Variants in ZNF626 observed in about 807,000 individuals in gnomAD.
ZNF626 encodes the protein CTC-513N18.7.
A neutral mutation model predicts 11.7 loss-of-function variants in ZNF626; 4 were observed. That is an observed-to-expected ratio of 0.34 (90% CI 0.17 to 0.78). ZNF626 has a LOEUF of 0.78. Ranked by LOEUF, ZNF626 falls within the 30% of genes least tolerant of loss-of-function variation. The pLI is 0.57. For synonymous variants in ZNF626, 179 were observed against 198.6 expected, an observed-to-expected ratio of 0.90 and a Z score of 0.83; for missense variants, 588 against 587.1, an observed-to-expected ratio of 1.00 and a Z score of -0.01.
chr19:20,656,899 A>T (rs1398721156), intron 1 of ZNF626, among the ~76,000 whole-genome samples: 5 of 152,174 alleles, frequency 3.3e-5, no homozygotes, highest in Non-Finnish European at 7.3e-5. Flanking sequence ...TTCCTCACAG[A>T]ACTAAAAACA....
chr19:20,658,104 TA>T (rs1970224772), intron 1 of ZNF626, among the ~76,000 whole-genome samples: 1 of 145,310 alleles, frequency 6.9e-6, no homozygotes, highest in South Asian at 2.2e-4. Context: ...AAATCAAAGC[TA>T]AAAAAAGAAA....
intron 3 of ZNF626, among the ~76,000 whole-genome samples, chr19:20,627,849 T>C (rs538230099): frequency 3.3e-5 from 5 of 152,340 alleles, no homozygotes; most frequent in South Asian, 4.1e-4. Context: ...TACATATGTA[T>C]ACTTGTGCCA....
rs1970019360 is a variant in ZNF626, at chr19:20,641,080, T to C, written c.226+4604A>G. On this transcript the variant is annotated intron_variant, in intron 3 of 3. Coordinates refer to ENST00000601440, the MANE Select transcript of ZNF626 (RefSeq NM_001076675.3). The stretch of plus-strand genomic sequence containing the variant: ...GAACCCAGAAGGCAGAGATTGCAGT[T>C]AGACGAGACCACACCACTGCACTCT... Among the ~76,000 whole-genome samples, 11 of 146,814 alleles carry C rather than the reference T, an allele frequency of 7.5e-5. No individual in the cohort carries two copies. The Admixed American group carries it at 7.7e-4, about 10-fold the overall frequency.
In ZNF626 at chr19:20,624,307, A is replaced by C. The variant is rs1555769151; in HGVS notation, c.1570T>G (p.Leu524Val). 1 of 1,613,960 alleles carries C rather than the reference A, an allele frequency of 6.2e-7. No individual in the cohort carries two copies. The highest frequency in any genetic ancestry group is 8.5e-7 in the Non-Finnish European group (1 of 1,179,996). ...VAKPSSGPHTLLHIR is the reference protein window; with the variant it reads ...VAKPSSGPHTVLHIR The stretch of plus-strand genomic sequence containing the variant: ...AGTATGAATTATCTTATGTGTAGTA[A>C]GGTGTGAGGACCGCTTGAAGGCTTT... Residue 524 changes from leucine to valine, a missense_variant, in exon 4 of 4, where the codon TTA becomes GTA. This residue lies in a region of ZNF626 where 43 missense variants were observed against 38.0 expected (regional missense o/e 1.13). Coordinates refer to ENST00000601440, the MANE Select transcript of ZNF626 (RefSeq NM_001076675.3).
intron 3 of ZNF626, among the ~76,000 whole-genome samples, chr19:20,626,451 G>A (rs1228649878): frequency 6.6e-6 from 1 of 152,148 alleles, no homozygotes; most frequent in East Asian, 1.9e-4. Flanking sequence ...AAGCTTAGTG[G>A]CTCATTCCTG....
chr19:20,646,252 T>C, intron 2 of ZNF626, 27 bp downstream of exon 2: 3 of 1,601,736 alleles, frequency 1.9e-6, no homozygotes, highest in Non-Finnish European at 1.7e-6. Flanking sequence ...ATCTATAGGG[T>C]ATATTATGTA....
chr19:20,659,222 ATT>A (rs1474561578), intron 1 of ZNF626, among the ~76,000 whole-genome samples: 1 of 151,994 alleles, frequency 6.6e-6, no homozygotes, highest in Non-Finnish European at 1.5e-5. Context: ...ATTCAGCTGA[ATT>A]TGTCTTCAGT....
intron 3 of ZNF626, among the ~76,000 whole-genome samples, chr19:20,631,440 T>G (rs1969904324): frequency 6.6e-6 from 1 of 152,176 alleles, no homozygotes; most frequent in African/African-American, 2.4e-5. Flanking sequence ...TGTAGGTCAC[T>G]AAGAACTTGC....
chr19:20,625,951 A>G (rs1182084873), intron 3 of ZNF626, among the ~76,000 whole-genome samples: 1 of 152,220 alleles, frequency 6.6e-6, no homozygotes, highest in Non-Finnish European at 1.5e-5. Context: ...GCTCTCCAGT[A>G]TAACATTGTG....
chr19:20,626,732 AGGC>A (rs1969838436), intron 3 of ZNF626, among the ~76,000 whole-genome samples: 1 of 152,092 alleles, frequency 6.6e-6, no homozygotes, highest in Admixed American at 6.5e-5. Flanking sequence ...AAAATAAAAT[AGGC>A]TGGGCGCAAT....
chr19:20,627,250 A>G (rs990476777), intron 3 of ZNF626, among the ~76,000 whole-genome samples: 1 of 152,142 alleles, frequency 6.6e-6, no homozygotes. Context: ...TGTAACAAAC[A>G]CACATACAAG....
At chr19:20,629,151 T>C (rs1456096086) in intron 3 of ZNF626, among the ~76,000 whole-genome samples, 2 of 152,200 alleles carry the variant, frequency 1.3e-5, no homozygotes, top group Non-Finnish European at 2.9e-5. Context: ...TATCTCTGGT[T>C]TGGTACCAGT....
intron 1 of ZNF626, among the ~76,000 whole-genome samples, chr19:20,660,146 G>T (rs1447662170): frequency 6.7e-6 from 1 of 150,144 alleles, no homozygotes; most frequent in African/African-American, 2.5e-5. Context: ...TGTAATCCCA[G>T]CTACTGGTGG....
Position 20,623,028 on chromosome 19 carries a change from A to G in ZNF626, c.*1262T>C, listed in dbSNP as rs1308454468. The G allele has an allele frequency of 6.6e-6, 1 of 152,184 alleles. No individual in the cohort carries two copies. Among genetic ancestry groups the G allele is most frequent in the Non-Finnish European group, 1.5e-5 (1 of 68,024 alleles). The allele number at this position is 152,184 out of a possible 1,614,324, so 9.4% of individuals were successfully genotyped here. On this transcript the variant is annotated 3_prime_UTR_variant, in exon 4 of 4. Transcript: ENST00000601440. ...TTTCCTCTAGTACAAAATGTGTGTAATAAACCTCCTGTATATTTGTAATGG... is the reference window on the plus strand; with the variant it reads ...TTTCCTCTAGTACAAAATGTGTGTAGTAAACCTCCTGTATATTTGTAATGG...
At chr19:20,628,307 G>C (rs1385441318) in intron 3 of ZNF626, among the ~76,000 whole-genome samples, 1 of 152,150 alleles carries the variant, frequency 6.6e-6, no homozygotes, top group East Asian at 1.9e-4. Context: ...TAATGGGATG[G>C]CTGGATCAAA....
rs376660232 is a variant in ZNF626 at position 20,648,489 on chromosome 19, G to T, written c.4-2084C>A. Among the ~76,000 whole-genome samples the T allele has an allele frequency of 5.3e-5, 8 of 151,490 alleles. No homozygotes were observed. The East Asian group carries it at 1.6e-3, about 30-fold the overall frequency. On this transcript the variant is annotated intron_variant, in intron 1 of 3. Transcript: ENST00000601440. ...CCTCCCAGGTTCACGCCATTCTCCTGCATCAGCCTACCAAGTAGCTGGGAC... is the reference window on the plus strand; with the variant it reads ...CCTCCCAGGTTCACGCCATTCTCCTTCATCAGCCTACCAAGTAGCTGGGAC...
chr19:20,621,367 C>T lies in ZNF626; in HGVS notation c.*2923G>A, dbSNP rs1393461892. On this transcript the variant is annotated 3_prime_UTR_variant, in exon 4 of 4. Transcript: ENST00000601440. ...TGAACTCCTGACCTCATGATCTGCC[C>T]GACGTCGCCTACCAAAGTGCTGGGA... 6.6e-6 allele frequency: 1 copy of T among 151,924 alleles called. No homozygotes were observed. The highest frequency in any genetic ancestry group is 1.5e-5 in the Non-Finnish European group (1 of 68,006). The allele number at this position is 151,924 out of a possible 1,614,324, so 9.4% of individuals were successfully genotyped here. A position where few individuals can be genotyped will look rare whatever the true frequency, so the allele number is the denominator to read the frequency against.
At chr19:20,639,382 T>G (rs1205187259) in intron 3 of ZNF626, among the ~76,000 whole-genome samples, 1 of 151,582 alleles carries the variant, frequency 6.6e-6, no homozygotes, top group South Asian at 2.1e-4. Flanking sequence ...ACCAAGATAA[T>G]ACAAAATATT....
At chr19:20,661,053 T>G (rs2144800447) in intron 1 of ZNF626, among the ~76,000 whole-genome samples, 1 of 152,316 alleles carries the variant, frequency 6.6e-6, no homozygotes, top group Non-Finnish European at 1.5e-5. Flanking sequence ...CCATACATTT[T>G]TAATAGGAGA....
Sources: allele counts gnomAD v4.1 joint callset (sites outside exome capture counted in the v4.1 genomes callset), GRCh38; gene constraint gnomAD v4.1.1; regional missense constraint gnomAD v4.1.1; transcripts MANE v1.5; gene names NCBI Gene and HGNC (gene_info 2026-07-23, HGNC 2026-07-21).